Variants in VPS13B observed in about 807,000 individuals in gnomAD.
VPS13B encodes the protein vacuolar protein sorting 13 homolog B.
In VPS13B, 285 loss-of-function variants were observed where a neutral mutation model predicts 426.4. The observed-to-expected ratio is 0.67, with a 90% CI of 0.61 to 0.74. The LOEUF (loss-of-function observed/expected upper bound fraction) is 0.74, where lower values mean the gene tolerates loss of function less well. Among genes scored for constraint, VPS13B ranks in the 30% least tolerant of loss-of-function variants. The pLI, the probability that VPS13B is intolerant of heterozygous loss-of-function variation, is 0.00. For missense variants in VPS13B, 4,537 were observed against 4,782.6 expected, an observed-to-expected ratio of 0.95 and a Z score of 1.51; for synonymous variants, 1,676 against 1,676.4, an observed-to-expected ratio of 1.00 and a Z score of 0.01.
chr8:99,550,277 AAT>A (rs980168513), intron 30 of VPS13B, among the ~76,000 whole-genome samples: 10 of 152,124 alleles, frequency 6.6e-5, no homozygotes, highest in African/African-American at 2.4e-4. Flanking sequence ...ATGGTTTTAA[AAT>A]AGAGTCATTT....
intron 33 of VPS13B, among the ~76,000 whole-genome samples, chr8:99,633,769 C>G (rs1828947740): frequency 6.7e-6 from 1 of 148,558 alleles, no homozygotes. Flanking sequence ...GTAGAGGCAT[C>G]TGTTTTGATT....
At chr8:99,158,389 C>T (rs112250609) in intron 15 of VPS13B, among the ~76,000 whole-genome samples, 9,411 of 151,832 alleles carry the variant, frequency 0.062, 392 homozygotes, top group African/African-American at 0.11. Flanking sequence ...AAAAATTAGC[C>T]GGGTGTGGTG....
At chr8:99,476,639 G>C (rs1030239718) in intron 24 of VPS13B, among the ~76,000 whole-genome samples, 2 of 151,886 alleles carry the variant, frequency 1.3e-5, no homozygotes, top group Non-Finnish European at 2.9e-5. Context: ...CTTACTTCTC[G>C]TAAGAAACCA....
At chr8:99,403,258 A>T (rs1256338598) in intron 21 of VPS13B, among the ~76,000 whole-genome samples, 1 of 152,128 alleles carries the variant, frequency 6.6e-6, no homozygotes, top group Non-Finnish European at 1.5e-5. Context: ...ATGATCAAAG[A>T]AAAACAGGTC....
chr8:99,090,127 A>G (rs1446901213), intron 3 of VPS13B, among the ~76,000 whole-genome samples: 3 of 151,978 alleles, frequency 2.0e-5, no homozygotes, highest in African/African-American at 7.2e-5. Context: ...GGGTCCATTC[A>G]GATAGTTTTG....
Position 99,623,464 on chromosome 8 carries a change from TTTGTTG to T in VPS13B, c.5221-18335_5221-18330del, listed in dbSNP as rs974975797. ...ATATAGGCTCCACAAGGAGAGTTTT[TTTGTTG>T]TTGTTGTTGTTTTTTGTTTTTACTG... On this transcript the variant is annotated intron_variant, in intron 33 of 61. Coordinates refer to ENST00000357162, the MANE Select transcript of VPS13B (RefSeq NM_152564.5). 4.1e-4 allele frequency among the ~76,000 whole-genome samples: 63 copies of T among 152,302 alleles called. 1 individual carries two copies. The highest frequency in any genetic ancestry group is 1.5e-3 in the African/African-American group (61 of 41,562).
At chr8:99,530,570 T>C (rs1026636832) in intron 30 of VPS13B, among the ~76,000 whole-genome samples, 11 of 148,424 alleles carry the variant, frequency 7.4e-5, no homozygotes, top group Non-Finnish European at 1.2e-4. Flanking sequence ...GCCGAGATCA[T>C]GCCACTGCAC....
intron 3 of VPS13B, among the ~76,000 whole-genome samples, chr8:99,065,656 G>A (rs939337142): frequency 4.6e-5 from 7 of 152,186 alleles, no homozygotes; most frequent in African/African-American, 1.7e-4. Context: ...TCTGGCCAGA[G>A]CAATCAGGCA....
intron 31 of VPS13B, among the ~76,000 whole-genome samples, chr8:99,573,826 A>G (rs1306493787): frequency 6.6e-6 from 1 of 152,128 alleles, no homozygotes; most frequent in Non-Finnish European, 1.5e-5. Flanking sequence ...GTTTTTTCCA[A>G]TTCTGTGAAG....
chr8:99,492,946 C>T (rs1820695201), intron 25 of VPS13B, among the ~76,000 whole-genome samples: 3 of 152,170 alleles, frequency 2.0e-5, no homozygotes, highest in East Asian at 1.9e-4. Flanking sequence ...CCATCTTCTG[C>T]GTCGATCTCA....
At chr8:99,182,344 A>G (rs373754264) in intron 16 of VPS13B, among the ~76,000 whole-genome samples, 3 of 152,154 alleles carry the variant, frequency 2.0e-5, no homozygotes, top group African/African-American at 4.8e-5. Flanking sequence ...GGAAGGATTG[A>G]TTGGGAAGAA....
intron 17 of VPS13B, among the ~76,000 whole-genome samples, chr8:99,263,356 A>G (rs1486032299): frequency 6.6e-6 from 1 of 152,126 alleles, no homozygotes; most frequent in African/African-American, 2.4e-5. Flanking sequence ...GAATATGAGG[A>G]TATATTAGTT....
chr8:99,146,175 T>C (rs1477184678), intron 13 of VPS13B, among the ~76,000 whole-genome samples: 1 of 152,244 alleles, frequency 6.6e-6, no homozygotes, highest in South Asian at 2.1e-4. Context: ...GTTTTAATGT[T>C]TTTCATTTTA....
At chr8:99,199,026 CTTTG>C (rs1345611377) in intron 17 of VPS13B, among the ~76,000 whole-genome samples, 3 of 152,060 alleles carry the variant, frequency 2.0e-5, no homozygotes, top group Non-Finnish European at 2.9e-5. Context: ...CACTGTTAAG[CTTTG>C]TTTAATATGT....
At chr8:99,125,783 A>G (rs1848164425) in intron 8 of VPS13B, among the ~76,000 whole-genome samples, 1 of 152,214 alleles carries the variant, frequency 6.6e-6, no homozygotes, top group Admixed American at 6.5e-5. Context: ...AAATTATATT[A>G]TGTATATTTT....
chr8:99,168,106 A>G (rs544887391), intron 15 of VPS13B, among the ~76,000 whole-genome samples: 2 of 152,242 alleles, frequency 1.3e-5, no homozygotes, highest in East Asian at 3.9e-4. Context: ...GATTTGGTGG[A>G]TAATAGAGGA....
intron 17 of VPS13B, among the ~76,000 whole-genome samples, chr8:99,259,483 G>A (rs4455798): frequency 0.83 from 125,547 of 152,004 alleles, 52,370 homozygotes; most frequent in South Asian, 0.89. Flanking sequence ...GCAAGTAGGG[G>A]GGAATTGGAA....
chr8:99,153,841 G>T (rs1249379036), intron 14 of VPS13B, among the ~76,000 whole-genome samples: 1 of 150,842 alleles, frequency 6.6e-6, no homozygotes, highest in African/African-American at 2.4e-5. Context: ...TCTCTCTGAA[G>T]AATTTAACAC....
At chr8:99,280,546 C>T (rs1819121486) in intron 19 of VPS13B, among the ~76,000 whole-genome samples, 1 of 152,132 alleles carries the variant, frequency 6.6e-6, no homozygotes. Flanking sequence ...AATGAATGAA[C>T]ATTTATGACA....
Sources: allele counts gnomAD v4.1 joint callset (sites outside exome capture counted in the v4.1 genomes callset), GRCh38; gene constraint gnomAD v4.1.1; transcripts MANE v1.5; gene names NCBI Gene and HGNC (gene_info 2026-07-23, HGNC 2026-07-21).